Variants in SAMMSON observed in about 807,000 individuals in gnomAD.
SAMMSON encodes survival associated mitochondrial melanoma specific oncogenic non-coding RNA.
chr3:70,169,903 T>C (rs905056026), intron 4 of SAMMSON, among the ~76,000 whole-genome samples: 1 of 151,838 alleles, frequency 6.6e-6, no homozygotes. Flanking sequence ...TCAGAAGGTA[T>C]CAAACTCATG....
intron 4 of SAMMSON, among the ~76,000 whole-genome samples, chr3:70,088,632 G>T (rs2067294323): frequency 6.6e-6 from 1 of 152,144 alleles, no homozygotes; most frequent in African/African-American, 2.4e-5. Context: ...ATTTGATATG[G>T]ATGAGCTATC....
In SAMMSON at chr3:70,191,752, G is replaced by A. The variant is rs755004977; in HGVS notation, n.508-57355G>A. 5.9e-5 allele frequency among the ~76,000 whole-genome samples: 9 copies of A among 151,794 alleles called. No homozygotes were observed. In the South Asian group the frequency reaches 1.2e-3, roughly 21 times the overall value. ...ATCTTGGTTTCATAATTTTTCACAT[G>A]TATAACTTTTTAGGCTTAGTGATTA... is the stretch of plus-strand genomic sequence containing the variant. On this transcript the variant is annotated intron_variant and non_coding_transcript_variant, in intron 4 of 9. Coordinates refer to ENST00000642114, the Ensembl canonical transcript of SAMMSON.
chr3:70,065,303 C>G (rs900604684), intron 3 of SAMMSON: 3 of 152,110 alleles, frequency 2.0e-5, no homozygotes, highest in African/African-American at 7.2e-5. Flanking sequence ...CATAGCAACT[C>G]TGGCAATTTT....
intron 4 of SAMMSON, among the ~76,000 whole-genome samples, chr3:70,193,401 C>G (rs1328792289): frequency 1.3e-5 from 2 of 152,204 alleles, no homozygotes; most frequent in Non-Finnish European, 2.9e-5. Flanking sequence ...TCATGCCATC[C>G]TTTCACCTCA....
At chr3:70,336,455 G>A (rs1452241115) in intron 7 of SAMMSON, among the ~76,000 whole-genome samples, 2 of 151,944 alleles carry the variant, frequency 1.3e-5, no homozygotes, top group Admixed American at 6.6e-5. Context: ...TGAGATTTCC[G>A]TGTAACACAG....
intron 7 of SAMMSON, among the ~76,000 whole-genome samples, chr3:70,320,767 T>A (rs530231829): frequency 6.6e-6 from 1 of 152,234 alleles, no homozygotes; most frequent in Admixed American, 6.5e-5. Context: ...GGAATTGGGA[T>A]GCAATCCATT....
intron 3 of SAMMSON, among the ~76,000 whole-genome samples, chr3:70,052,067 C>T (rs2067148430): frequency 6.6e-6 from 1 of 151,992 alleles, no homozygotes; most frequent in African/African-American, 2.4e-5. Flanking sequence ...CACTGCATGC[C>T]AGCCTGGGCA....
At chr3:70,213,312 T>C (rs1321008846) in intron 4 of SAMMSON, among the ~76,000 whole-genome samples, 1 of 152,110 alleles carries the variant, frequency 6.6e-6, no homozygotes, top group Admixed American at 6.6e-5. Flanking sequence ...TGTTGCTAAG[T>C]TTTTCTTGTG....
intron 7 of SAMMSON, among the ~76,000 whole-genome samples, chr3:70,337,123 AAT>A: frequency 9.3e-6 from 1 of 107,272 alleles, no homozygotes; most frequent in South Asian, 2.8e-4. Context: ...TCTTATTAAT[AAT>A]AATATCTAAC....
intron 9 of SAMMSON, among the ~76,000 whole-genome samples, chr3:70,359,530 TGA>T: frequency 6.6e-6 from 1 of 152,174 alleles, no homozygotes; most frequent in Non-Finnish European, 1.5e-5. Flanking sequence ...GAGTATAATA[TGA>T]GAGATCAGAA....
intron 1 of SAMMSON, among the ~76,000 whole-genome samples, chr3:70,010,681 G>C (rs1321040734): frequency 7.8e-6 from 1 of 128,084 alleles, no homozygotes; most frequent in Non-Finnish European, 1.6e-5. Flanking sequence ...TAGTTCTTTT[G>C]CTGCTATAAA....
intron 6 of SAMMSON, among the ~76,000 whole-genome samples, chr3:70,286,965 A>G (rs1371181561): frequency 6.6e-6 from 1 of 150,894 alleles, no homozygotes; most frequent in East Asian, 1.9e-4. Flanking sequence ...GGGCTGAGAC[A>G]ATGGCGTTTT....
intron 6 of SAMMSON, among the ~76,000 whole-genome samples, chr3:70,250,328 C>A (rs998199816): frequency 6.6e-6 from 1 of 151,192 alleles, no homozygotes; most frequent in Non-Finnish European, 1.5e-5. Flanking sequence ...CTATTGCCAG[C>A]GACATTTTTT....
At chr3:70,358,676 C>A (rs1702847664) in intron 9 of SAMMSON, among the ~76,000 whole-genome samples, 2 of 151,944 alleles carry the variant, frequency 1.3e-5, no homozygotes, top group South Asian at 2.1e-4. Flanking sequence ...AATATATCTT[C>A]TGTTTTTTTT....
At chr3:70,273,687 C>G (rs1161961473) in intron 6 of SAMMSON, among the ~76,000 whole-genome samples, 1 of 152,230 alleles carries the variant, frequency 6.6e-6, no homozygotes, top group Non-Finnish European at 1.5e-5. Context: ...TGCCATTACT[C>G]AGGCCTGTGC....
chr3:70,045,019 T>A (rs1280541105), intron 3 of SAMMSON, among the ~76,000 whole-genome samples: 39 of 127,880 alleles, frequency 3.0e-4, no homozygotes, highest in African/African-American at 1.2e-3. Context: ...TATATATAAT[T>A]AATTATAATA....
At chr3:70,022,034 C>T (rs1024037384) in intron 3 of SAMMSON, among the ~76,000 whole-genome samples, 2 of 152,042 alleles carry the variant, frequency 1.3e-5, no homozygotes, top group South Asian at 2.1e-4. Flanking sequence ...TTTCACATCA[C>T]CTGCTGAGTA....
chr3:70,265,578 G>A (rs1701909961), intron 6 of SAMMSON, among the ~76,000 whole-genome samples: 1 of 152,054 alleles, frequency 6.6e-6, no homozygotes, highest in South Asian at 2.1e-4. Context: ...CATTATCAAG[G>A]TGCTTCATTA....
chr3:70,030,602 C>G (rs575733761), intron 3 of SAMMSON: 2 of 152,150 alleles, frequency 1.3e-5, no homozygotes, highest in South Asian at 4.2e-4. Context: ...AACTGAGGCT[C>G]GGGAATTTTA....
Sources: gnomAD v4.1 joint callset for allele counts (sites outside exome capture counted in the v4.1 genomes callset) on GRCh38, gnomAD v4.1.1 for gene constraint, MANE v1.5 for transcripts, NCBI Gene and HGNC (gene_info 2026-07-23, HGNC 2026-07-21) for gene names.